SKA1: variants seen among roughly 807,000 people sequenced by gnomAD.
SKA1 encodes the protein SKA complex subunit 1.
A neutral mutation model predicts 31.8 loss-of-function variants in SKA1; 20 were observed. That is an observed-to-expected ratio of 0.63 (90% CI 0.44 to 0.91). The LOEUF (loss-of-function observed/expected upper bound fraction) is 0.91, where lower values mean the gene tolerates loss of function less well. Among genes scored for constraint, SKA1 ranks in the 40% least tolerant of loss-of-function variants. The probability of loss-of-function intolerance (pLI) is 0.00; values close to 1 mark genes in which losing one functional copy is unlikely to be tolerated. For synonymous variants in SKA1, 88 were observed against 100.5 expected (o/e 0.88, Z 0.74); for missense variants, 253 against 298.2 (o/e 0.85, Z 1.12).
chr18:50,381,859 G>A (rs1389932693), intron 3 of SKA1, among the ~76,000 whole-genome samples: 1 of 151,858 alleles, frequency 6.6e-6, no homozygotes, highest in African/African-American at 2.4e-5. Context: ...CTGAGTAGCT[G>A]GGACTATAGG....
chr18:50,384,872 A>AAAAAAAAAAAAAAAAAAG (rs2041293218), intron 4 of SKA1, among the ~76,000 whole-genome samples: 18 of 68,790 alleles, frequency 2.6e-4, no homozygotes, highest in Non-Finnish European at 3.6e-4. Flanking sequence ...AAAAAAAATT[A>AAAAAAAAAAAAAAAAAAG]AAAAAAAAAA....
At chr18:50,378,194 C>G (rs1330220370) in intron 2 of SKA1, among the ~76,000 whole-genome samples, 1 of 152,204 alleles carries the variant, frequency 6.6e-6, no homozygotes, top group Non-Finnish European at 1.5e-5. Flanking sequence ...GAGATCTATA[C>G]AACTATCAAG....
intron 2 of SKA1, among the ~76,000 whole-genome samples, chr18:50,376,812 AT>A (rs35073697): frequency 2.7e-5 from 4 of 150,238 alleles, no homozygotes; most frequent in South Asian, 2.1e-4. Context: ...CTTTTTTTCT[AT>A]TTTTTTTTAA....
Position 50,385,305 on chromosome 18 carries a change from T to C in SKA1, c.401T>C (p.Ile134Thr). 6.2e-7 allele frequency: 1 copy of C among 1,613,568 alleles called. No individual in the cohort carries two copies. Among genetic ancestry groups the C allele is most frequent in the Non-Finnish European group, 8.5e-7 (1 of 1,179,710 alleles). ...VKKPPKEQRS[I>T]KEMPFITCDE... ...AAGCCTCCCAAAGAGCAAAGAAGTATTAAGGAAATGCCATTTATAACTTGT... is the reference window on the plus strand; with the variant it reads ...AAGCCTCCCAAAGAGCAAAGAAGTACTAAGGAAATGCCATTTATAACTTGT... The change falls in exon 5 of 7, where the codon ATT becomes ACT. Residue 134 changes from isoleucine to threonine, a missense_variant. Physicochemically the swap from Ile to Thr is moderately conservative, Grantham distance 89. Transcript: ENST00000285116.
chr18:50,379,374 AG>A (rs1321321161), intron 2 of SKA1, among the ~76,000 whole-genome samples: 4 of 152,102 alleles, frequency 2.6e-5, no homozygotes, highest in African/African-American at 9.7e-5. Context: ...TTGTCTGCTT[AG>A]GGGTGGTTTT....
intron 5 of SKA1, among the ~76,000 whole-genome samples, chr18:50,389,488 T>C (rs2149323196): frequency 6.7e-6 from 1 of 150,084 alleles, no homozygotes; most frequent in South Asian, 2.1e-4. Context: ...CTCTGCCTCC[T>C]GGGCTCAAGC....
chr18:50,376,437 A>G (rs755781138), intron 2 of SKA1, among the ~76,000 whole-genome samples: 5 of 152,234 alleles, frequency 3.3e-5, no homozygotes, highest in African/African-American at 9.6e-5. Context: ...GTGTAACACA[A>G]TGGTGAGTAT....
At chr18:50,381,099 G>T (rs1425720790) in intron 3 of SKA1, among the ~76,000 whole-genome samples, 2 of 152,248 alleles carry the variant, frequency 1.3e-5, no homozygotes, top group African/African-American at 4.8e-5. Flanking sequence ...CGGCATTTCA[G>T]TTCTAACCTG....
chr18:50,392,734 CTT>C lies in SKA1; in HGVS notation c.*501_*502del, dbSNP rs34062932. On this transcript the variant is annotated 3_prime_UTR_variant, in exon 7 of 7. Transcript: ENST00000285116. The stretch of plus-strand genomic sequence containing the variant: ...GCTTATTTCTTGTTTTTTTCTTTTT[CTT>C]TTTTTTTTTTTTTGAGACAGTCTCG... The C allele has an allele frequency of 0.053, 6,910 of 130,836 alleles. 538 individuals are homozygous for C. The highest frequency in any genetic ancestry group is 0.18 in the African/African-American group (6,455 of 35,614). The allele number at this position is 130,836 out of a possible 1,614,324, so 8.1% of individuals were successfully genotyped here. A position where few individuals can be genotyped will look rare whatever the true frequency, so the allele number is the denominator to read the frequency against.
intron 4 of SKA1, among the ~76,000 whole-genome samples, chr18:50,383,051 A>G (rs1417320002): frequency 6.8e-6 from 1 of 146,972 alleles, no homozygotes; most frequent in African/African-American, 2.5e-5. Flanking sequence ...ATAAATAAAT[A>G]AAAGCCAAAG....
In SKA1 at chr18:50,393,507, A is replaced by G. The variant is rs1429806663; in HGVS notation, c.*1260A>G. ...TATCATCTGATTATTGGGCTTTCGTATAGGTCCTTAGGGAGCAGCTTACCT... is the reference window on the plus strand; with the variant it reads ...TATCATCTGATTATTGGGCTTTCGTGTAGGTCCTTAGGGAGCAGCTTACCT... On this transcript the variant is annotated 3_prime_UTR_variant, in exon 7 of 7. Transcript: ENST00000285116. 6.6e-6 allele frequency: 1 copy of G among 152,194 alleles called. No homozygotes were observed. Among genetic ancestry groups the G allele is most frequent in the African/African-American group, 2.4e-5 (1 of 41,450 alleles). The allele number at this position is 152,194 out of a possible 1,614,324, so 9.4% of individuals were successfully genotyped here.
Position 50,392,224 on chromosome 18 carries a change from C to G in SKA1, c.745C>G (p.Leu249Val), listed in dbSNP as rs778887238. 1.3e-6 allele frequency: 2 copies of G among 1,595,094 alleles called. No individual in the cohort carries two copies. Among genetic ancestry groups the G allele is most frequent in the Non-Finnish European group, 1.7e-6 (2 of 1,174,530 alleles). ...RRLSEVRGGG[L>V]TRYVIT Reference sequence around the variant, plus strand: ...GCTATCAGAGGTCCGAGGGGGAGGACTTACTCGTTATGTTATAACCTGAGT... The same window carrying G: ...GCTATCAGAGGTCCGAGGGGGAGGAGTTACTCGTTATGTTATAACCTGAGT... Residue 249 changes from leucine to valine, a missense_variant, in exon 7 of 7, where the codon CTT becomes GTT. By Grantham distance (32) the Leu-to-Val change is conservative. Transcript: ENST00000285116.
Position 50,392,305 on chromosome 18 carries a change from T to G in SKA1, c.*58T>G, listed in dbSNP as rs750599107. 2 of 1,101,978 alleles carry G rather than the reference T, an allele frequency of 1.8e-6. No homozygotes were observed. The highest frequency in any genetic ancestry group is 2.4e-6 in the Non-Finnish European group (2 of 836,908). The allele number at this position is 1,101,978 out of a possible 1,614,324, so 68.3% of individuals were successfully genotyped here. On this transcript the variant is annotated 3_prime_UTR_variant, in exon 7 of 7. Transcript: ENST00000285116. ...GTATAGAGTATAGAGGCTATTTCTA[T>G]AATTTTCTTATATATAATTTTTTTA...
At chr18:50,390,362 T>A (rs931021115) in intron 5 of SKA1, among the ~76,000 whole-genome samples, 5 of 152,210 alleles carry the variant, frequency 3.3e-5, no homozygotes, top group African/African-American at 1.2e-4. Flanking sequence ...AGAGACAAAT[T>A]GAAGCAGATC....
At chr18:50,386,970 A>G (rs548386914) in intron 5 of SKA1, among the ~76,000 whole-genome samples, 4 of 152,364 alleles carry the variant, frequency 2.6e-5, no homozygotes, top group Non-Finnish European at 5.9e-5. Flanking sequence ...GCAACTATGA[A>G]TAAAGCGCTA....
chr18:50,382,673 C>T lies in SKA1; in HGVS notation c.311+447C>T, dbSNP rs144999043. Among the ~76,000 whole-genome samples, 1,328 of 152,062 alleles carry T rather than the reference C, an allele frequency of 8.7e-3. 10 individuals carry two copies. The highest frequency in any genetic ancestry group is 0.013 in the Admixed American group (191 of 15,232). ...TGCCAAATGCCTCTGAGGGCAAAATCTTCCCCGACCATTGAGAACCACTGC... is the reference window on the plus strand; with the variant it reads ...TGCCAAATGCCTCTGAGGGCAAAATTTTCCCCGACCATTGAGAACCACTGC... On this transcript the variant is annotated intron_variant, in intron 4 of 6. Transcript: ENST00000285116.
chr18:50,381,722 GGTTTTTTTTTTTT>G (rs1451508633), intron 3 of SKA1, among the ~76,000 whole-genome samples: 1 of 125,884 alleles, frequency 7.9e-6, no homozygotes, highest in African/African-American at 3.1e-5. Flanking sequence ...CAGTCAATGT[GGTTTTTTTTTTTT>G]TTTTTTTTTG....
chr18:50,375,888 A>G lies in SKA1; in HGVS notation c.58A>G (p.Ile20Val). ...TCATGTTAATGAAAAGATTGGCAATATTAAGAAAACCTTATCATTAAGAAA... is the reference window on the plus strand; with the variant it reads ...TCATGTTAATGAAAAGATTGGCAATGTTAAGAAAACCTTATCATTAAGAAA... ...CSHVNEKIGN[I>V]KKTLSLRNCG... Residue 20 changes from isoleucine to valine, a missense_variant, in exon 2 of 7, where the codon ATT (isoleucine) becomes GTT (valine). Ile to Val is a conservative substitution (Grantham distance 29). Coordinates refer to ENST00000285116, the MANE Select transcript of SKA1 (RefSeq NM_145060.4). 1 of 1,610,204 alleles carries G rather than the reference A, an allele frequency of 6.2e-7. No individual in the cohort carries two copies. The highest frequency in any genetic ancestry group is 2.2e-5 in the East Asian group (1 of 44,800).
intron 5 of SKA1, among the ~76,000 whole-genome samples, chr18:50,387,544 G>C (rs1399356001): frequency 6.6e-6 from 1 of 152,010 alleles, no homozygotes; most frequent in Non-Finnish European, 1.5e-5. Flanking sequence ...TGGGTTTTCT[G>C]TTCTTTTTTG....
Sources: allele counts gnomAD v4.1 joint callset (sites outside exome capture counted in the v4.1 genomes callset), GRCh38; gene constraint gnomAD v4.1.1; transcripts MANE v1.5; gene names NCBI Gene and HGNC (gene_info 2026-07-23, HGNC 2026-07-21).